The following C6 variants were observed in gnomAD, a reference collection of about 807,000 sequenced individuals.
C6 encodes complement component C6.
Under a neutral mutation model 112.9 loss-of-function variants are expected in C6, and 101 were observed. The observed-to-expected ratio is 0.89, with a 90% confidence interval of 0.76 to 1.06. The LOEUF (loss-of-function observed/expected upper bound fraction) is 1.06. Among genes scored for constraint, C6 ranks in the 50% least tolerant of loss-of-function variants. The probability of loss-of-function intolerance (pLI) is 0.00; values close to 1 mark genes in which losing one functional copy is unlikely to be tolerated. For missense variants in C6, 1,202 were observed against 1,104.6 expected (o/e 1.09, Z -1.25); for synonymous variants, 431 against 384.1 (o/e 1.12, Z -1.43).
chr5:41,224,108 T>C (rs1216106470), intron 1 of C6, among the ~76,000 whole-genome samples: 1 of 152,204 alleles, frequency 6.6e-6, no homozygotes, highest in African/African-American at 2.4e-5. Flanking sequence ...TTGATATATG[T>C]ATACATTGTG....
chr5:41,230,393 C>T (rs573839393), intron 1 of C6, among the ~76,000 whole-genome samples: 13 of 152,120 alleles, frequency 8.5e-5, no homozygotes, highest in African/African-American at 3.1e-4. Context: ...GATTGCATTC[C>T]TGGGGGGAGG....
intron 1 of C6, among the ~76,000 whole-genome samples, chr5:41,204,873 G>C (rs757997241): frequency 1.3e-5 from 2 of 151,888 alleles, no homozygotes; most frequent in African/African-American, 4.8e-5. Flanking sequence ...GTTTCACTGC[G>C]TTAGCCAGGG....
chr5:41,195,627 A>C (rs1750551314), intron 5 of C6, among the ~76,000 whole-genome samples, 165 bp downstream of exon 5: 1 of 152,234 alleles, frequency 6.6e-6, no homozygotes, highest in African/African-American at 2.4e-5. Flanking sequence ...AGTGAGGATC[A>C]TGGCCACATA....
intron 1 of C6, among the ~76,000 whole-genome samples, chr5:41,232,315 G>C (rs1241486730): frequency 6.6e-6 from 1 of 152,066 alleles, no homozygotes; most frequent in Non-Finnish European, 1.5e-5. Flanking sequence ...CTCTGAGATA[G>C]TGGAAAGCTC....
chr5:41,207,561 A>G (rs1384254933), intron 1 of C6, among the ~76,000 whole-genome samples: 1 of 152,230 alleles, frequency 6.6e-6, no homozygotes, highest in Admixed American at 6.5e-5. Flanking sequence ...AAACAAAAAA[A>G]GGCAGGTGTT....
chr5:41,159,822 T>C (rs140217825), intron 11 of C6, among the ~76,000 whole-genome samples: 65 of 152,320 alleles, frequency 4.3e-4, no homozygotes, highest in African/African-American at 1.6e-3. Flanking sequence ...TGTTTGATTT[T>C]TTATGTTATG....
chr5:41,148,057 T>TA (rs1024243231), intron 17 of C6, among the ~76,000 whole-genome samples: 12 of 152,202 alleles, frequency 7.9e-5, no homozygotes, highest in African/African-American at 2.4e-4. Context: ...ATTGTATCAA[T>TA]AAAAAAAATT....
Position 41,159,145 on chromosome 5 carries a change from CCTCCT to C in C6, c.1788_1792del (p.Gly597GlufsTer4). 1 of 1,613,690 alleles carries C rather than the reference CCTCCT, an allele frequency of 6.2e-7. No individual in the cohort carries two copies. The highest frequency in any genetic ancestry group is 8.5e-7 in the Non-Finnish European group (1 of 1,179,762). ...TCGCTTCTCCCCCTCACAGCGTTTC[CCTCCT>C]CGTTGGGGGGCAGGATTATTGCATT... On this transcript the variant is annotated frameshift_variant, in exon 12 of 18. Coordinates refer to ENST00000337836, the MANE Select transcript of C6 (RefSeq NM_000065.5). LOFTEE classifies it high-confidence loss of function.
intron 7 of C6, among the ~76,000 whole-genome samples, chr5:41,180,088 T>C (rs1180856161): frequency 6.6e-6 from 1 of 152,194 alleles, no homozygotes; most frequent in Non-Finnish European, 1.5e-5. Context: ...TAGAATTGTT[T>C]TGAGGATAAA....
intron 1 of C6, among the ~76,000 whole-genome samples, chr5:41,208,310 C>A (rs1346831790): frequency 3.3e-5 from 5 of 152,010 alleles, no homozygotes; most frequent in Non-Finnish European, 4.4e-5. Flanking sequence ...AATTAAAAGA[C>A]CTAGAGAAGC....
At chr5:41,250,089 G>A (rs1470188374) in intron 1 of C6, among the ~76,000 whole-genome samples, 1 of 152,134 alleles carries the variant, frequency 6.6e-6, no homozygotes, top group Non-Finnish European at 1.5e-5. Flanking sequence ...TTTAACTAGG[G>A]ACAAATTATC....
chr5:41,184,023 C>T (rs1427875049), intron 6 of C6, among the ~76,000 whole-genome samples: 1 of 151,982 alleles, frequency 6.6e-6, no homozygotes, highest in Non-Finnish European at 1.5e-5. Flanking sequence ...CTGTTGGGTA[C>T]TCTGCTCAGT....
At chr5:41,146,657 T>G (rs1320081648) in intron 17 of C6, among the ~76,000 whole-genome samples, 3 of 152,146 alleles carry the variant, frequency 2.0e-5, no homozygotes, top group African/African-American at 7.2e-5. Flanking sequence ...CAAAAAATAT[T>G]TTAAATTGCC....
At chr5:41,251,638 CAAGTT>C (rs1741369569) in intron 1 of C6, among the ~76,000 whole-genome samples, 1 of 152,086 alleles carries the variant, frequency 6.6e-6, no homozygotes, top group Non-Finnish European at 1.5e-5. Flanking sequence ...AAGTTTCTCC[CAAGTT>C]AAGAAAAGGG....
chr5:41,188,755 G>A (rs1424366521), intron 5 of C6, among the ~76,000 whole-genome samples: 1 of 151,822 alleles, frequency 6.6e-6, no homozygotes, highest in Non-Finnish European at 1.5e-5. Flanking sequence ...TTCAACAAAA[G>A]AAGAAATAAA....
intron 1 of C6, among the ~76,000 whole-genome samples, chr5:41,234,358 T>TTTTG (rs1305029562): frequency 2.9e-5 from 4 of 138,836 alleles, no homozygotes; most frequent in African/African-American, 1.3e-4. Flanking sequence ...TTGTTTTTTG[T>TTTTG]TTTTTGTTTT....
At chr5:41,256,945 C>T (rs1329330413) in intron 1 of C6, among the ~76,000 whole-genome samples, 7 of 152,152 alleles carry the variant, frequency 4.6e-5, no homozygotes, top group Non-Finnish European at 8.8e-5. Context: ...GGTAGGCTTT[C>T]TGCAGTTTGG....
Position 41,176,486 on chromosome 5 carries a change from A to T in C6, c.1157T>A (p.Leu386Gln), listed in dbSNP as rs1580117368. The T allele has an allele frequency of 3.7e-6, 6 of 1,613,426 alleles. No individual in the cohort carries two copies. The East Asian group carries it at 1.3e-4, about 36-fold the overall frequency. The stretch of plus-strand genomic sequence containing the variant: ...CTGAAGAAAGTTACCTGAGTTCTTT[A>T]GTTCCTCACTGCTAAACTGATAGAG... ...DLLYQFSSEE[L>Q]KNSGLTEEEA... Residue 386 changes from leucine (L) to glutamine (Q), a missense_variant, in exon 8 of 18, where the codon CTA becomes CAA. Transcript: ENST00000337836.
intron 9 of C6, among the ~76,000 whole-genome samples, chr5:41,169,433 C>T (rs181319809): frequency 8.3e-4 from 126 of 152,148 alleles, no homozygotes; most frequent in African/African-American, 2.5e-3. Flanking sequence ...AAACCCAGAA[C>T]GGCTGGGTTA....
Sources: gnomAD v4.1 joint callset for allele counts (sites outside exome capture counted in the v4.1 genomes callset) on GRCh38, gnomAD v4.1.1 for gene constraint, MANE v1.5 for transcripts, NCBI Gene and HGNC (gene_info 2026-07-23, HGNC 2026-07-21) for gene names.